The following USP13 variants were observed in gnomAD, a reference collection of about 807,000 sequenced individuals.
The protein encoded by USP13 is ubiquitin carboxyl-terminal hydrolase 13.
Under a neutral mutation model 107.8 loss-of-function variants are expected in USP13, and 68 were observed. That is an observed-to-expected ratio of 0.63 (90% confidence interval 0.52 to 0.77). The LOEUF is 0.77. Among genes scored for constraint, USP13 ranks in the 30% least tolerant of loss-of-function variants. The pLI is 0.00. For synonymous variants in USP13, 377 were observed against 389.5 expected (o/e 0.97, Z 0.38); for missense variants, 945 against 1,093.3 (o/e 0.86, Z 1.91).
intron 10 of USP13, among the ~76,000 whole-genome samples, chr3:179,732,062 G>A (rs1713827129): frequency 6.6e-6 from 1 of 152,182 alleles, no homozygotes; most frequent in African/African-American, 2.4e-5. Flanking sequence ...AGGTTGTAAA[G>A]AGGGTGGAGA....
intron 19 of USP13, among the ~76,000 whole-genome samples, chr3:179,780,865 T>G (rs1330037083): frequency 1.3e-5 from 2 of 152,228 alleles, no homozygotes; most frequent in East Asian, 1.9e-4. Flanking sequence ...AAAATCAATA[T>G]GCAAGCCCAT....
At chr3:179,673,447 A>G (rs1159860435) in intron 1 of USP13, among the ~76,000 whole-genome samples, 1 of 152,290 alleles carries the variant, frequency 6.6e-6, no homozygotes, top group African/African-American at 2.4e-5. Context: ...TCAGCAATAA[A>G]TGATACAATT....
At chr3:179,726,446 G>A (rs1713518757) in intron 8 of USP13, among the ~76,000 whole-genome samples, 1 of 152,216 alleles carries the variant, frequency 6.6e-6, no homozygotes, top group South Asian at 2.1e-4. Flanking sequence ...ACAACACAAA[G>A]TAGAGGGTGT....
At chr3:179,719,572 G>C (rs1054627909) in intron 6 of USP13, among the ~76,000 whole-genome samples, 4 of 152,150 alleles carry the variant, frequency 2.6e-5, no homozygotes, top group Non-Finnish European at 5.9e-5. Context: ...CCCTCCTCCT[G>C]TGCCCATCCC....
intron 10 of USP13, among the ~76,000 whole-genome samples, chr3:179,738,620 A>G (rs1362493564): frequency 6.6e-6 from 1 of 152,222 alleles, no homozygotes; most frequent in Non-Finnish European, 1.5e-5. Flanking sequence ...TTTGGGAAAC[A>G]GCTTTATCAG....
chr3:179,660,462 C>A (rs1211418958), intron 1 of USP13, among the ~76,000 whole-genome samples: 1 of 152,190 alleles, frequency 6.6e-6, no homozygotes, highest in African/African-American at 2.4e-5. Flanking sequence ...AATTTCCTTC[C>A]TTCTTAAGGC....
chr3:179,740,422 G>A (rs757683487), intron 11 of USP13, 50 bp downstream of exon 11: 90 of 1,611,634 alleles, frequency 5.6e-5, no homozygotes, highest in Non-Finnish European at 6.9e-5. Context: ...AGAGGGTGCC[G>A]AGCCACTCAG....
chr3:179,710,223 C>T lies in USP13; in HGVS notation c.805+1266C>T, dbSNP rs537692416. On this transcript the variant is annotated intron_variant, in intron 6 of 20. Transcript: ENST00000263966. ...GGATTGAAAGGAAATTCAAGACAAG[C>T]GTTTGGATTCAGGGTTACAGCGCGG... is the stretch of plus-strand genomic sequence containing the variant. 2.6e-5 allele frequency among the ~76,000 whole-genome samples: 4 copies of T among 152,142 alleles called. No individual in the cohort carries two copies. In the East Asian group the frequency reaches 5.8e-4, roughly 22 times the overall value.
intron 12 of USP13, among the ~76,000 whole-genome samples, chr3:179,744,352 T>G (rs1362751823): frequency 1.5e-5 from 2 of 131,844 alleles, no homozygotes; most frequent in African/African-American, 5.1e-5. Flanking sequence ...TGTTTTTTTT[T>G]TTGTTTTGTT....
chr3:179,728,765 C>T (rs1164432282), intron 8 of USP13, among the ~76,000 whole-genome samples: 1 of 152,182 alleles, frequency 6.6e-6, no homozygotes, highest in Non-Finnish European at 1.5e-5. Context: ...GGATCACTCG[C>T]GGTTAGGGGC....
intron 8 of USP13, among the ~76,000 whole-genome samples, chr3:179,727,648 T>C (rs532990194): frequency 1.2e-5 from 1 of 84,928 alleles, no homozygotes; most frequent in South Asian, 3.8e-4. Flanking sequence ...AAACCGCCAT[T>C]GTCATCATGG....
intron 6 of USP13, among the ~76,000 whole-genome samples, chr3:179,716,979 A>G (rs1377539133): frequency 3.3e-5 from 5 of 152,192 alleles, no homozygotes; most frequent in Admixed American, 6.5e-5. Context: ...CTTGAAATGA[A>G]AGGATGACTG....
intron 3 of USP13, among the ~76,000 whole-genome samples, chr3:179,693,608 G>A (rs893772150): frequency 6.6e-6 from 1 of 152,120 alleles, no homozygotes; most frequent in Non-Finnish European, 1.5e-5. Context: ...TCAGTGATGG[G>A]CTGTGTATTA....
At chr3:179,673,061 G>A (rs1021702787) in intron 1 of USP13, among the ~76,000 whole-genome samples, 6 of 152,158 alleles carry the variant, frequency 3.9e-5, no homozygotes, top group Non-Finnish European at 7.3e-5. Flanking sequence ...TGGGGCAGTA[G>A]GGTTCAAGTG....
At chr3:179,732,537 A>T (rs962125568) in intron 10 of USP13, among the ~76,000 whole-genome samples, 2 of 151,940 alleles carry the variant, frequency 1.3e-5, no homozygotes, top group African/African-American at 4.8e-5. Flanking sequence ...CTCACCATTC[A>T]AGTGGCAGAA....
intron 16 of USP13, among the ~76,000 whole-genome samples, chr3:179,760,423 A>G (rs1372965185): frequency 6.6e-6 from 1 of 151,134 alleles, no homozygotes; most frequent in Non-Finnish European, 1.5e-5. Flanking sequence ...AGCTGGGATT[A>G]CAGGTGCCCA....
Position 179,693,772 on chromosome 3 carries a change from C to G in USP13, c.355+3471C>G, listed in dbSNP as rs908289557. ...CACTGCAATATCCGCCCTCCGAGTT[C>G]AAGCAATTCTCCTGCCTCAGCCTCC... On this transcript the variant is annotated intron_variant, in intron 3 of 20. Coordinates refer to ENST00000263966, the MANE Select transcript of USP13 (RefSeq NM_003940.3). 2.6e-5 allele frequency among the ~76,000 whole-genome samples: 4 copies of G among 152,222 alleles called. No homozygotes were observed. In the East Asian group the frequency reaches 7.7e-4, roughly 29 times the overall value.
chr3:179,667,033 A>C (rs1180032492), intron 1 of USP13, among the ~76,000 whole-genome samples: 1 of 152,160 alleles, frequency 6.6e-6, no homozygotes. Flanking sequence ...CCCATTCAAC[A>C]TATCTTATTG....
At position 179,788,591 on chromosome 3, in the gene USP13, T is replaced by G. The variant is rs566299505; in HGVS notation, c.*4450T>G. ...TTGATAACATGCTGAAATGACACTA[T>G]TTTGGATGTACTAAGTAAAATATTA... is the stretch of plus-strand genomic sequence containing the variant. On this transcript the variant is annotated 3_prime_UTR_variant, in exon 21 of 21. Coordinates refer to ENST00000263966, the MANE Select transcript of USP13 (RefSeq NM_003940.3). The G allele has an allele frequency of 2.6e-5, 4 of 152,208 alleles. No individual in the cohort carries two copies. The highest frequency in any genetic ancestry group is 5.9e-5 in the Non-Finnish European group (4 of 68,040). The allele number at this position is 152,208 out of a possible 1,614,324, so 9.4% of individuals were successfully genotyped here. A position where few individuals can be genotyped will look rare whatever the true frequency, so the allele number is the denominator to read the frequency against.
Sources: allele counts gnomAD v4.1 joint callset (sites outside exome capture counted in the v4.1 genomes callset), GRCh38; gene constraint gnomAD v4.1.1; transcripts MANE v1.5; gene names NCBI Gene and HGNC (gene_info 2026-07-23, HGNC 2026-07-21).